The following EFCAB8 variants were observed in gnomAD, a reference collection of about 807,000 sequenced individuals.
EFCAB8 encodes EF-hand calcium binding domain 8.
A neutral mutation model predicts 116.3 loss-of-function variants in EFCAB8; 100 were observed. That is an observed-to-expected ratio of 0.86 (90% CI 0.73 to 1.02). The LOEUF (loss-of-function observed/expected upper bound fraction) is 1.02, where lower values mean the gene tolerates loss of function less well. Ranked by LOEUF, EFCAB8 falls within the 50% of genes least tolerant of loss-of-function variation. EFCAB8 has a pLI of 0.00. For missense variants in EFCAB8, 1,320 were observed against 1,416.9 expected (o/e 0.93, Z 1.10); for synonymous variants, 558 against 567.9 (o/e 0.98, Z 0.25).
chr20:32,906,859 T>C lies in EFCAB8; in HGVS notation c.1173T>C (p.Asp391=). The change falls in exon 13 of 27, where the codon GAT becomes GAC. Residue 391 remains aspartate, a synonymous_variant. Transcript: ENST00000400522. ...TGACCACAGTGACTGGTGGCTACGA[T>C]GCCTTCATCCGCCTGTGGAACCCCT... is the stretch of plus-strand genomic sequence containing the variant. The part of the protein sequence containing the change: ...DRNFLVTGGY[D]AFIRLWNPFV... 3 of 1,508,958 alleles carry C rather than the reference T, an allele frequency of 2.0e-6. No homozygotes were observed. Among genetic ancestry groups the C allele is most frequent in the Non-Finnish European group, 2.7e-6 (3 of 1,108,234 alleles). The allele number at this position is 1,508,958 out of a possible 1,614,324, so 93.5% of individuals were successfully genotyped here.
At chr20:32,884,266 A>G (rs892521441) in intron 5 of EFCAB8, among the ~76,000 whole-genome samples, 10 of 152,190 alleles carry the variant, frequency 6.6e-5, no homozygotes, top group African/African-American at 2.4e-4. Context: ...GGTGCACCAA[A>G]TGCAGCCTCT....
At chr20:32,927,369 G>C (rs1405888693) in intron 20 of EFCAB8, among the ~76,000 whole-genome samples, 2 of 152,030 alleles carry the variant, frequency 1.3e-5, no homozygotes, top group Non-Finnish European at 2.9e-5. Context: ...TTTTGAGACA[G>C]AGTCTCACTC....
intron 10 of EFCAB8, 107 bp from the exon 11 acceptor site, chr20:32,898,386 C>T (rs1019218382): frequency 2.2e-5 from 14 of 633,618 alleles, no homozygotes; most frequent in South Asian, 9.1e-5. Flanking sequence ...CATTAGACTC[C>T]GTGATCTCTG....
chr20:32,906,812 C>A, intron 12 of EFCAB8, 31 bp from the exon 13 acceptor site: 1 of 1,125,366 alleles, frequency 8.9e-7, no homozygotes, highest in Non-Finnish European at 1.3e-6. Context: ...AGTGGAGGCC[C>A]CTGGGACTGA....
chr20:32,931,861 A>G (rs1987923450), intron 22 of EFCAB8, among the ~76,000 whole-genome samples: 1 of 152,252 alleles, frequency 6.6e-6, no homozygotes. Flanking sequence ...TTACAGTGTA[A>G]TATCTGGCAC....
intron 20 of EFCAB8, among the ~76,000 whole-genome samples, chr20:32,920,960 T>A (rs1011576610): frequency 1.3e-5 from 2 of 152,132 alleles, no homozygotes; most frequent in African/African-American, 4.8e-5. Flanking sequence ...TCATCTTTGT[T>A]CTTCCTACTG....
chr20:32,958,686 G>A, intron 24 of EFCAB8, 136 bp downstream of exon 24: 1 of 395,986 alleles, frequency 2.5e-6, no homozygotes. Flanking sequence ...AAGGCCAGAG[G>A]CTTGAGGGTT....
At chr20:32,892,340 AGG>A (rs1318430288) in intron 8 of EFCAB8, 43 bp downstream of exon 8, 24 of 1,516,328 alleles carry the variant, frequency 1.6e-5, no homozygotes, top group Non-Finnish European at 2.1e-5. Context: ...CAGGAGGCCC[AGG>A]CCTCCTGCAG....
chr20:32,870,141 C>G (rs898259521), intron 3 of EFCAB8, among the ~76,000 whole-genome samples: 4 of 152,164 alleles, frequency 2.6e-5, no homozygotes, highest in Non-Finnish European at 4.4e-5. Context: ...GATAAGAAAT[C>G]TCCAGTTTAC....
In EFCAB8 at chr20:32,875,983, A is replaced by T; in HGVS notation, c.266A>T (p.Asp89Val). 4 of 1,552,166 alleles carry T rather than the reference A, an allele frequency of 2.6e-6. No individual in the cohort carries two copies. The highest frequency in any genetic ancestry group is 3.5e-6 in the Non-Finnish European group (4 of 1,147,098). ...AAGAAGGTTCTGAGCAGTGTGTCGG[A>T]CGAGATGCTAAAGGAGCTGTTTTTG... ...AMKKVLSSVS[D>V]EMLKELFLKV... The change falls in exon 4 of 27, where the codon GAC becomes GTC. Residue 89 changes from aspartate to valine, a missense_variant. Physicochemically the swap from Asp to Val is radical, Grantham distance 152 (BLOSUM62 -3). Coordinates refer to ENST00000400522, the MANE Select transcript of EFCAB8 (RefSeq NM_001143967.2).
rs1477191571 is a variant in EFCAB8, at chr20:32,874,150, G to A, written c.209-1776G>A. ...TGCCCAGCCTGGTCTCAAACTCCTG[G>A]GCTCAAGCCTTCTGCCCACCTCAGC... On this transcript the variant is annotated intron_variant, in intron 3 of 26. Transcript: ENST00000400522. 2.3e-3 allele frequency among the ~76,000 whole-genome samples: 348 copies of A among 151,450 alleles called. 2 individuals are homozygous for A. The highest frequency in any genetic ancestry group is 8.1e-3 in the African/African-American group (334 of 41,196).
chr20:32,934,059 G>T (rs1448307416), intron 22 of EFCAB8, among the ~76,000 whole-genome samples: 5 of 150,690 alleles, frequency 3.3e-5, no homozygotes. Context: ...GCCCAGGCTG[G>T]TCTTGAACTC....
intron 3 of EFCAB8, among the ~76,000 whole-genome samples, chr20:32,867,988 C>T (rs919946149): frequency 6.6e-6 from 1 of 152,082 alleles, no homozygotes; most frequent in Non-Finnish European, 1.5e-5. Context: ...ATGCACATAC[C>T]ACCACTCCTG....
intron 10 of EFCAB8, among the ~76,000 whole-genome samples, chr20:32,897,764 C>T (rs1986232338): frequency 6.6e-6 from 1 of 152,168 alleles, no homozygotes; most frequent in African/African-American, 2.4e-5. Flanking sequence ...CTCCAGGTCT[C>T]ACTCAGTGTC....
chr20:32,918,626 G>A lies in EFCAB8; in HGVS notation c.2274+52G>A, dbSNP rs146600854. Reference sequence around the variant, plus strand: ...CTACCCTCACTCTCTAGCCGCCGGCGTTCACACACCGTCTGTGTGTGTGTT... The same window carrying A: ...CTACCCTCACTCTCTAGCCGCCGGCATTCACACACCGTCTGTGTGTGTGTT... On this transcript the variant is annotated intron_variant, in intron 19 of 26. Coordinates refer to ENST00000400522, the MANE Select transcript of EFCAB8 (RefSeq NM_001143967.2). 1.2e-3 allele frequency: 1,737 copies of A among 1,505,814 alleles called. 6 individuals are homozygous for A. The African/African-American group carries it at 0.013, about 11-fold the overall frequency. The allele number at this position is 1,505,814 out of a possible 1,614,324, so 93.3% of individuals were successfully genotyped here.
In EFCAB8 at chr20:32,918,474, A is replaced by C; in HGVS notation, c.2174A>C (p.Glu725Ala). The C allele has an allele frequency of 6.4e-7, 1 of 1,551,712 alleles. No individual in the cohort carries two copies. The highest frequency in any genetic ancestry group is 8.7e-7 in the Non-Finnish European group (1 of 1,147,000). Residue 725 changes from glutamate to alanine, a missense_variant, in exon 19 of 27, where the codon GAG (glutamate) becomes GCG (alanine). Physicochemically the swap from Glu to Ala is moderately radical, Grantham distance 107. Transcript: ENST00000400522. ...TSRKLSSLSPESVANTNLRRS... is the reference protein window; with the variant it reads ...TSRKLSSLSPASVANTNLRRS... ...AGGAAGCTCTCCAGTCTCAGCCCCG[A>C]GTCTGTGGCCAATACCAACCTGAGG...
chr20:32,917,228 T>G lies in EFCAB8; in HGVS notation c.1857-73T>G, dbSNP rs530715863. On this transcript the variant is annotated intron_variant, in intron 17 of 26. Transcript: ENST00000400522. ...AGTCGGCTCCCAGAATCCTCAAGGC[T>G]CCAGTGCTTCCCCAATGGATGGAGC... 5.5e-5 allele frequency: 68 copies of G among 1,225,960 alleles called. No homozygotes were observed. In the East Asian group the frequency reaches 1.7e-3, roughly 31 times the overall value. The allele number at this position is 1,225,960 out of a possible 1,614,324, so 75.9% of individuals were successfully genotyped here.
At position 32,860,493 on chromosome 20, in the gene EFCAB8, C is replaced by CTTTTTTTTTTTTTTTT. The variant is rs71190881; in HGVS notation, c.-11+1503_-11+1518dup. On this transcript the variant is annotated intron_variant, in intron 1 of 26. Transcript: ENST00000400522. ...TTTGTTCCATCGCTGATGGTGGTAA[C>CTTTTTTTTTTTTTTTT]TTTTTTTTTTTTTTTTTTTTTTTTT... is the stretch of plus-strand genomic sequence containing the variant. Among the ~76,000 whole-genome samples the CTTTTTTTTTTTTTTTT allele has an allele frequency of 3.6e-5, 3 of 84,004 alleles. 1 individual carries two copies. Among genetic ancestry groups the CTTTTTTTTTTTTTTTT allele is most frequent in the African/African-American group, 2.3e-4 (3 of 12,784 alleles). 55.1% of individuals were successfully genotyped at this position (84,004 alleles called of 152,430 possible). A position where few individuals can be genotyped will look rare whatever the true frequency, so the allele number is the denominator to read the frequency against.
intron 5 of EFCAB8, among the ~76,000 whole-genome samples, chr20:32,882,764 C>T (rs1045340199): frequency 5.3e-5 from 8 of 151,924 alleles, no homozygotes; most frequent in Non-Finnish European, 4.4e-5. Context: ...GGTGCAATCT[C>T]GGCTCACTGC....
Sources: gnomAD v4.1 joint callset for allele counts (sites outside exome capture counted in the v4.1 genomes callset) on GRCh38, gnomAD v4.1.1 for gene constraint, MANE v1.5 for transcripts, NCBI Gene and HGNC (gene_info 2026-07-23, HGNC 2026-07-21) for gene names.